Variants in TBC1D22A observed in about 807,000 individuals in gnomAD.
TBC1D22A encodes the protein putative GTPase activator.
In TBC1D22A, 38 loss-of-function variants were observed where a neutral mutation model predicts 60.2. That is an observed-to-expected ratio of 0.63 (90% confidence interval 0.49 to 0.83). The LOEUF (loss-of-function observed/expected upper bound fraction) is 0.83. TBC1D22A is among the 40% of genes least tolerant of loss of function. TBC1D22A has a pLI of 0.00. For missense variants in TBC1D22A, 628 were observed against 701.0 expected (o/e 0.90, Z 1.18); for synonymous variants, 302 against 281.7 (o/e 1.07, Z -0.72).
chr22:46,879,932 A>G (rs131873), intron 5 of TBC1D22A, among the ~76,000 whole-genome samples: 109,653 of 152,040 alleles, frequency 0.72, 39,777 homozygotes, highest in Middle Eastern at 0.87. Flanking sequence ...GGACACTCTG[A>G]TTTCAGTAGA....
Position 46,809,295 on chromosome 22 carries a change from C to T in TBC1D22A, c.637+11675C>T, listed in dbSNP as rs116992748. Among the ~76,000 whole-genome samples the T allele has an allele frequency of 8.7e-3, 1,319 of 152,126 alleles. 40 individuals carry two copies. The East Asian group carries it at 0.089, about 10-fold the overall frequency. ...GAGAGAGAGGGAGGTGGAGAGCGAG[C>T]GTGCACAGGAGCTCTCTGGGTCTCT... is the stretch of plus-strand genomic sequence containing the variant. On this transcript the variant is annotated intron_variant, in intron 4 of 12. Coordinates refer to ENST00000337137, the MANE Select transcript of TBC1D22A (RefSeq NM_014346.5).
intron 4 of TBC1D22A, among the ~76,000 whole-genome samples, chr22:46,824,121 C>T (rs908758270): frequency 1.3e-5 from 2 of 152,150 alleles, no homozygotes. Flanking sequence ...GATATAAAAA[C>T]TGTCAATGAG....
chr22:46,964,965 G>A (rs909379960), intron 8 of TBC1D22A, among the ~76,000 whole-genome samples: 1 of 152,226 alleles, frequency 6.6e-6, no homozygotes, highest in Non-Finnish European at 1.5e-5. Flanking sequence ...CAGCTGGGAT[G>A]TAAGCAGCAC....
At chr22:47,160,867 A>G (rs548780801) in intron 12 of TBC1D22A, among the ~76,000 whole-genome samples, 47 of 152,262 alleles carry the variant, frequency 3.1e-4, no homozygotes, top group African/African-American at 1.0e-3. Flanking sequence ...CCTCCTCTTC[A>G]GGACCCGCAG....
At chr22:46,867,335 A>G (rs116682010) in intron 4 of TBC1D22A, among the ~76,000 whole-genome samples, 1,559 of 152,262 alleles carry the variant, frequency 0.01, 25 homozygotes, top group African/African-American at 0.036. Flanking sequence ...CTCTGGCACA[A>G]CCTCTGGGCT....
intron 12 of TBC1D22A, among the ~76,000 whole-genome samples, chr22:47,120,567 A>G (rs1452323439): frequency 3.3e-5 from 5 of 152,364 alleles, no homozygotes; most frequent in African/African-American, 1.2e-4. Context: ...CAGTGTAAGC[A>G]GCCTGGCAGA....
chr22:47,038,927 T>C (rs1303902423), intron 11 of TBC1D22A, among the ~76,000 whole-genome samples: 1 of 152,242 alleles, frequency 6.6e-6, no homozygotes, highest in Admixed American at 6.5e-5. Context: ...ATCGGCTCTC[T>C]GTAACATGAC....
At chr22:47,092,083 G>A (rs2147623451) in intron 11 of TBC1D22A, among the ~76,000 whole-genome samples, 1 of 152,318 alleles carries the variant, frequency 6.6e-6, no homozygotes, top group Admixed American at 6.5e-5. Flanking sequence ...TGGGGTGGGA[G>A]TTGTGGGCCA....
chr22:47,010,444 T>C (rs1380684449), intron 10 of TBC1D22A, among the ~76,000 whole-genome samples: 1 of 152,240 alleles, frequency 6.6e-6, no homozygotes, highest in African/African-American at 2.4e-5. Context: ...GCAAGGCACA[T>C]GCGTAATTGC....
At chr22:47,019,979 G>T (rs192276418) in intron 10 of TBC1D22A, among the ~76,000 whole-genome samples, 3 of 86,392 alleles carry the variant, frequency 3.5e-5, no homozygotes, top group Non-Finnish European at 7.9e-5. Context: ...CTCTCCCTTA[G>T]CCCTCCATCC....
chr22:46,797,189 G>T (rs2084691407), intron 3 of TBC1D22A, among the ~76,000 whole-genome samples: 1 of 152,188 alleles, frequency 6.6e-6, no homozygotes, highest in Non-Finnish European at 1.5e-5. Context: ...AGGGGCCCTG[G>T]AGTTTTCTGG....
intron 11 of TBC1D22A, among the ~76,000 whole-genome samples, chr22:47,102,159 G>T (rs1353267293): frequency 1.3e-5 from 2 of 152,216 alleles, no homozygotes; most frequent in African/African-American, 4.8e-5. Context: ...TCCTTTCTCA[G>T]TCTCTGGCGC....
At chr22:46,828,485 T>C (rs2086168367) in intron 4 of TBC1D22A, among the ~76,000 whole-genome samples, 1 of 152,254 alleles carries the variant, frequency 6.6e-6, no homozygotes, top group Non-Finnish European at 1.5e-5. Context: ...CCACGGCCTG[T>C]CCTGGAGTTC....
At chr22:46,995,513 TTG>T (rs560356769) in intron 9 of TBC1D22A, among the ~76,000 whole-genome samples, 5,489 of 151,008 alleles carry the variant, frequency 0.036, 317 homozygotes, top group African/African-American at 0.13. Flanking sequence ...TGCACGCACT[TTG>T]TGTGTGTGTG....
chr22:47,108,718 C>T (rs189083519), intron 11 of TBC1D22A, among the ~76,000 whole-genome samples: 16 of 152,228 alleles, frequency 1.1e-4, no homozygotes, highest in Non-Finnish European at 2.1e-4. Flanking sequence ...TTTTTTGAGA[C>T]GGAGTCTTGC....
intron 7 of TBC1D22A, among the ~76,000 whole-genome samples, chr22:46,900,206 C>T (rs1283725706): frequency 2.7e-5 from 4 of 149,918 alleles, no homozygotes; most frequent in Admixed American, 1.3e-4. Context: ...TGCTGGAGTG[C>T]AGTGGTGCGA....
chr22:47,021,066 C>T (rs1308093768), intron 10 of TBC1D22A, among the ~76,000 whole-genome samples: 1 of 152,186 alleles, frequency 6.6e-6, no homozygotes, highest in Admixed American at 6.5e-5. Context: ...ACAGGTTCTT[C>T]CCCAGTCAGG....
Position 46,878,695 on chromosome 22 carries a change from T to C in TBC1D22A, c.680T>C (p.Val227Ala), listed in dbSNP as rs775769635. 7 of 1,613,066 alleles carry C rather than the reference T, an allele frequency of 4.3e-6. No individual in the cohort carries two copies. The Admixed American group carries it at 6.7e-5, about 15-fold the overall frequency. ...RLSWSGIPKPVRPMTWKLLSG... is the reference protein window; with the variant it reads ...RLSWSGIPKPARPMTWKLLSG... ...AGCTGGTCCGGAATCCCTAAGCCAG[T>C]GCGTCCAATGACGTGGAAGCTCCTC... The change falls in exon 5 of 13, where the codon GTG becomes GCG. Residue 227 changes from valine to alanine, a missense_variant. By Grantham distance (64) the Val-to-Ala change is moderately conservative (BLOSUM62 0). Transcript: ENST00000337137.
intron 8 of TBC1D22A, among the ~76,000 whole-genome samples, chr22:46,919,399 T>G (rs2070598962): frequency 6.6e-6 from 1 of 152,256 alleles, no homozygotes; most frequent in Non-Finnish European, 1.5e-5. Context: ...GTTTCTCCAC[T>G]CATCTGTTGG....
Sources: allele counts gnomAD v4.1 joint callset (sites outside exome capture counted in the v4.1 genomes callset), GRCh38; gene constraint gnomAD v4.1.1; transcripts MANE v1.5; gene names NCBI Gene and HGNC (gene_info 2026-07-23, HGNC 2026-07-21).